Variants in PPARGC1A observed in about 807,000 individuals in gnomAD.
The protein encoded by PPARGC1A is PPARG coactivator 1 alpha.
A neutral mutation model predicts 88.7 loss-of-function variants in PPARGC1A; 25 were observed. That is an observed-to-expected ratio of 0.28 (90% CI 0.21 to 0.39). The LOEUF (loss-of-function observed/expected upper bound fraction) is 0.39, where lower values mean the gene tolerates loss of function less well. Among genes scored for constraint, PPARGC1A ranks in the 10% least tolerant of loss-of-function variants. PPARGC1A has a pLI of 1.00. For missense variants in PPARGC1A, 880 were observed against 968.7 expected, an observed-to-expected ratio of 0.91 and a Z score of 1.22; for synonymous variants, 363 against 355.6, an observed-to-expected ratio of 1.02 and a Z score of -0.24.
chr4:24,063,897 A>C, the PPARGC1A span, among the ~76,000 whole-genome samples: 1 of 152,164 alleles, frequency 6.6e-6, no homozygotes, highest in Non-Finnish European at 1.5e-5. Context: ...ATGGAACTTC[A>C]TAACGCTGAT....
At chr4:24,010,254 T>C in the PPARGC1A span, among the ~76,000 whole-genome samples, 12 of 152,226 alleles carry the variant, frequency 7.9e-5, no homozygotes, top group African/African-American at 2.9e-4. Context: ...CTTGTTCATA[T>C]GTTCAATAAA....
the PPARGC1A span, among the ~76,000 whole-genome samples, chr4:24,464,689 A>G: frequency 4.6e-5 from 7 of 152,306 alleles, no homozygotes; most frequent in African/African-American, 1.7e-4. Context: ...TCTATAGAAG[A>G]CGTGCTCACA....
At chr4:24,394,833 G>A in the PPARGC1A span, among the ~76,000 whole-genome samples, 1 of 152,184 alleles carries the variant, frequency 6.6e-6, no homozygotes, top group Non-Finnish European at 1.5e-5. Flanking sequence ...TTTCAGAGAT[G>A]CTAAAATGTG....
chr4:24,371,841 C>T, the PPARGC1A span, among the ~76,000 whole-genome samples: 1 of 151,342 alleles, frequency 6.6e-6, no homozygotes, highest in Non-Finnish European at 1.5e-5. Flanking sequence ...GTCTCAGCTA[C>T]TCAGGAGACT....
chr4:23,907,464 G>T (rs888585380), upstream of PPARGC1A, among the ~76,000 whole-genome samples: 5 of 152,308 alleles, frequency 3.3e-5, no homozygotes, highest in South Asian at 1.0e-3. Flanking sequence ...TGCAGAATAC[G>T]TTGGTTGTGA....
chr4:24,421,587 A>C, the PPARGC1A span, among the ~76,000 whole-genome samples: 1 of 152,162 alleles, frequency 6.6e-6, no homozygotes, highest in African/African-American at 2.4e-5. Flanking sequence ...CTGGGATTAC[A>C]GGCGTGAGCC....
chr4:24,069,937 A>G, the PPARGC1A span, among the ~76,000 whole-genome samples: 1 of 152,220 alleles, frequency 6.6e-6, no homozygotes, highest in Non-Finnish European at 1.5e-5. Flanking sequence ...CTGGCTGAGC[A>G]GAAAGAGCAA....
At chr4:24,294,872 G>A in the PPARGC1A span, among the ~76,000 whole-genome samples, 3 of 152,200 alleles carry the variant, frequency 2.0e-5, no homozygotes, top group Non-Finnish European at 4.4e-5. Context: ...AGCTTTTTGA[G>A]AGTAGCAGCT....
chr4:24,206,268 C>T, the PPARGC1A span, among the ~76,000 whole-genome samples: 5 of 152,104 alleles, frequency 3.3e-5, no homozygotes, highest in African/African-American at 4.8e-5. Context: ...AACAAGTACC[C>T]GGACCAGAGC....
chr4:24,213,908 T>C, the PPARGC1A span, among the ~76,000 whole-genome samples: 1 of 152,238 alleles, frequency 6.6e-6, no homozygotes, highest in African/African-American at 2.4e-5. Context: ...GGAACACTGA[T>C]GAACAGTTTA....
chr4:24,145,912 T>C, the PPARGC1A span, among the ~76,000 whole-genome samples: 1 of 152,208 alleles, frequency 6.6e-6, no homozygotes, highest in Non-Finnish European at 1.5e-5. Flanking sequence ...ACGTGTGGCT[T>C]TCTCTGAGTC....
the PPARGC1A span, among the ~76,000 whole-genome samples, chr4:24,068,508 A>G: frequency 6.6e-6 from 1 of 152,196 alleles, no homozygotes; most frequent in Non-Finnish European, 1.5e-5. Flanking sequence ...CTCATTCTGT[A>G]TGACTGGAGC....
the PPARGC1A span, among the ~76,000 whole-genome samples, chr4:24,231,910 C>T: frequency 6.6e-6 from 1 of 152,082 alleles, no homozygotes; most frequent in Non-Finnish European, 1.5e-5. Context: ...ACTATTCTAG[C>T]AAAGAAAATA....
chr4:24,115,447 C>T, the PPARGC1A span, among the ~76,000 whole-genome samples: 2 of 152,008 alleles, frequency 1.3e-5, no homozygotes, highest in Non-Finnish European at 2.9e-5. Context: ...GAAAAAAAAC[C>T]GAGTACCCTG....
At chr4:24,020,736 C>T in the PPARGC1A span, among the ~76,000 whole-genome samples, 1 of 152,136 alleles carries the variant, frequency 6.6e-6, no homozygotes, top group Non-Finnish European at 1.5e-5. Context: ...CTTCCTCATC[C>T]TCATTCCGGA....
chr4:24,028,735 G>C, the PPARGC1A span, among the ~76,000 whole-genome samples: 2 of 152,174 alleles, frequency 1.3e-5, no homozygotes, highest in East Asian at 1.9e-4. Flanking sequence ...ATGACTGCAT[G>C]TAAGTTTCTT....
the PPARGC1A span, among the ~76,000 whole-genome samples, chr4:24,455,745 C>T: frequency 6.6e-6 from 1 of 152,218 alleles, no homozygotes; most frequent in Non-Finnish European, 1.5e-5. Context: ...CCTCCTCTTG[C>T]CCTCTTGCTC....
At chr4:23,904,373 T>C (rs1719783659), upstream of PPARGC1A, among the ~76,000 whole-genome samples, 1 of 152,184 alleles carries the variant, frequency 6.6e-6, no homozygotes, top group Admixed American at 6.5e-5. Context: ...ATAGCAGTAC[T>C]GTAATTTTTC....
chr4:24,286,693 T>G, the PPARGC1A span, among the ~76,000 whole-genome samples: 9 of 152,346 alleles, frequency 5.9e-5, no homozygotes, highest in South Asian at 1.5e-3. Flanking sequence ...CCTTATGTAT[T>G]AGTTGTCTAT....
Sources: allele counts gnomAD v4.1 joint callset (sites outside exome capture counted in the v4.1 genomes callset), GRCh38; gene constraint gnomAD v4.1.1; transcripts MANE v1.5; gene names NCBI Gene and HGNC (gene_info 2026-07-23, HGNC 2026-07-21).